The following DNMT1 variants were observed in gnomAD, a reference collection of about 807,000 sequenced individuals.
DNMT1 encodes DNA (cytosine-5)-methyltransferase 1.
Under a neutral mutation model 205.3 loss-of-function variants are expected in DNMT1, and 24 were observed. The observed-to-expected ratio is 0.12, with a 90% CI of 0.08 to 0.16. The LOEUF is 0.16. Among genes scored for constraint, DNMT1 ranks in the 10% least tolerant of loss-of-function variants. The pLI is 1.00. For missense variants in DNMT1, 1,293 were observed against 2,177.7 expected, an observed-to-expected ratio of 0.59 and a Z score of 8.09; for synonymous variants, 817 against 839.8, an observed-to-expected ratio of 0.97 and a Z score of 0.47.
At chr19:10,149,371 C>G in intron 26 of DNMT1, 82 bp downstream of exon 26, 2 of 1,389,880 alleles carry the variant, frequency 1.4e-6, no homozygotes, top group Non-Finnish European at 2.0e-6. Context: ...AAAAAAAATA[C>G]AAATCAAAAC....
Position 10,151,936 on chromosome 19 carries a change from G to T in DNMT1, c.2020-89C>A. 1 of 1,289,892 alleles carries T rather than the reference G, an allele frequency of 7.8e-7. No homozygotes were observed. The highest frequency in any genetic ancestry group is 1.1e-6 in the Non-Finnish European group (1 of 891,388). 79.9% of individuals were successfully genotyped at this position (1,289,892 alleles called of 1,614,324 possible). On this transcript the variant is annotated intron_variant, in intron 22 of 40. Transcript: ENST00000359526. This position sits in a 1 kb window ranked among gnomAD's most constrained non-coding sequence, Gnocchi z 5.0. ...GTATTTCAGAAGGCCGAGGCAGGCA[G>T]ATCACTTAAGGTCAGGAATTGCAGA...
intron 34 of DNMT1, among the ~76,000 whole-genome samples, chr19:10,139,329 C>T (rs2089556043): frequency 6.6e-6 from 1 of 152,220 alleles, no homozygotes. Context: ...ACTTCCCCTC[C>T]CGCTCTGTGC....
chr19:10,164,913 T>TAAAAAAAAAAAAAAAAAAAAAAAAAAA (rs535161745), intron 11 of DNMT1, among the ~76,000 whole-genome samples: 1 of 34,046 alleles, frequency 2.9e-5, no homozygotes, highest in Non-Finnish European at 4.8e-5. Context: ...GAGACTATCT[T>TAAAAAAAAAAAAAAAAAAAAAAAAAAA]AAAAAAAAAA....
intron 8 of DNMT1, 63 bp from the exon 9 acceptor site, chr19:10,173,237 T>A: frequency 6.4e-7 from 1 of 1,552,770 alleles, no homozygotes; most frequent in African/African-American, 1.4e-5. Flanking sequence ...AAGAAGCAGT[T>A]TTCATAAAGC....
rs749258509 is a variant in DNMT1, at chr19:10,148,981, C to T, written c.2623G>A (p.Asp875Asn). The T allele has an allele frequency of 8.1e-6, 13 of 1,614,018 alleles. No individual in the cohort carries two copies. Among genetic ancestry groups the T allele is most frequent in the African/African-American group, 5.3e-5 (4 of 74,920 alleles). ...AGCTGGTAGAAGTAGGTCTTCCCGT[C>T]GTCCCCCTCCAGCAGGGACTCGGGA... is the stretch of plus-strand genomic sequence containing the variant. ...MDPESLLEGD[D>N]GKTYFYQLWY... Residue 875 changes from aspartate to asparagine, a missense_variant, in exon 27 of 41, where the codon GAC becomes AAC. Around this residue, in one of 13 missense-constraint regions of DNMT1, gnomAD observed 112 missense variants for 116.6 expected, o/e 0.96. Coordinates refer to ENST00000359526, the MANE Select transcript of DNMT1 (RefSeq NM_001130823.3).
At chr19:10,157,868 GGGGAGACAT>G (rs2038490137) in intron 17 of DNMT1, among the ~76,000 whole-genome samples, 1 of 152,198 alleles carries the variant, frequency 6.6e-6, no homozygotes, top group Non-Finnish European at 1.5e-5. Flanking sequence ...TCTCTCCATA[GGGGAGACAT>G]GGGAGAGAAG....
chr19:10,140,383 T>C lies in DNMT1; in HGVS notation c.3524-55A>G. On this transcript the variant is annotated intron_variant, in intron 32 of 40. Transcript: ENST00000359526. The surrounding 1 kb of genome is among the most constrained non-coding windows in gnomAD (Gnocchi z 8.4). ...CAACTCTCCAGAAGATTTTTTTTTTTTTTTGAGATGGAGTCTCGCTCTGTC... is the reference window on the plus strand; with the variant it reads ...CAACTCTCCAGAAGATTTTTTTTTTCTTTTGAGATGGAGTCTCGCTCTGTC... 6.3e-7 allele frequency: 1 copy of C among 1,599,606 alleles called. No homozygotes were observed. The highest frequency in any genetic ancestry group is 8.5e-7 in the Non-Finnish European group (1 of 1,176,616).
intron 6 of DNMT1, among the ~76,000 whole-genome samples, chr19:10,176,718 C>T (rs1042719517): frequency 3.3e-5 from 5 of 151,820 alleles, no homozygotes; most frequent in African/African-American, 9.7e-5. Flanking sequence ...ATTAGCCAGG[C>T]GTGGCGGCGC....
Position 10,155,931 on chromosome 19 carries a change from T to C in DNMT1, c.1414A>G (p.Lys472Glu). Residue 472 changes from lysine (K) to glutamate (E), a missense_variant, in exon 19 of 41, where the codon AAA (lysine) becomes GAA (glutamate). Lys to Glu is a moderately conservative substitution (Grantham distance 56). Around this residue, in one of 13 missense-constraint regions of DNMT1, gnomAD observed 120 missense variants for 315.9 expected, o/e 0.38. Transcript: ENST00000359526. ...CATTCATTTATGGGGCCAAGATTTT[T>C]GCCATTAACACCACCTAGAGCAGAA... ...DPSLEGGVNG[K>E]NLGPINEWWI... 1 of 1,613,688 alleles carries C rather than the reference T, an allele frequency of 6.2e-7. No homozygotes were observed. Among genetic ancestry groups the C allele is most frequent in the East Asian group, 2.2e-5 (1 of 44,874 alleles).
intron 7 of DNMT1, among the ~76,000 whole-genome samples, chr19:10,174,864 TG>T (rs1052732593): frequency 3.2e-4 from 48 of 151,830 alleles, no homozygotes; most frequent in African/African-American, 1.1e-3. Context: ...GAGACCAGCC[TG>T]GGCAACATGG....
chr19:10,173,447 C>T (rs1020712871), intron 8 of DNMT1, among the ~76,000 whole-genome samples: 1 of 151,766 alleles, frequency 6.6e-6, no homozygotes, highest in Admixed American at 6.6e-5. Flanking sequence ...TACTTCATAA[C>T]GATATGGTTG....
intron 11 of DNMT1, among the ~76,000 whole-genome samples, chr19:10,165,120 A>C (rs2038661176): frequency 6.6e-6 from 1 of 151,620 alleles, no homozygotes; most frequent in South Asian, 2.1e-4. Flanking sequence ...TAAAAAAAAA[A>C]ATTAGCTGGA....
chr19:10,143,912 C>G lies in DNMT1; in HGVS notation c.2970G>C (p.Arg990=), dbSNP rs768040928. ...VDEDLYPEHY[R]KYSDYIKGSN... ...TGCCTTTGATGTAGTCGGAGTATTTCCGGTAGTGCTCTGGGTACAGGTCCT... is the reference window on the plus strand; with the variant it reads ...TGCCTTTGATGTAGTCGGAGTATTTGCGGTAGTGCTCTGGGTACAGGTCCT... Residue 990 remains arginine, a synonymous_variant, in exon 29 of 41, where the codon CGG becomes CGC. Transcript: ENST00000359526. 6.2e-7 allele frequency: 1 copy of G among 1,614,126 alleles called. No homozygotes were observed. Among genetic ancestry groups the G allele is most frequent in the East Asian group, 2.2e-5 (1 of 44,884 alleles).
Position 10,192,671 on chromosome 19 carries a change from C to T in DNMT1, c.80+2149G>A, listed in dbSNP as rs1361668274. Among the ~76,000 whole-genome samples the T allele has an allele frequency of 2.6e-5, 4 of 152,132 alleles. No homozygotes were observed. The East Asian group carries it at 7.7e-4, about 29-fold the overall frequency. On this transcript the variant is annotated intron_variant, in intron 1 of 40. Coordinates refer to ENST00000359526, the MANE Select transcript of DNMT1 (RefSeq NM_001130823.3). ...TGAATTGGGTGTAACATCATGAAGC[C>T]AGGCACTTTCATAATTTCACTTCCA...
Position 10,137,405 on chromosome 19 carries a change from A to G in DNMT1, c.4294-125T>C. 2 of 1,223,146 alleles carry G rather than the reference A, an allele frequency of 1.6e-6. No individual in the cohort carries two copies. The highest frequency in any genetic ancestry group is 2.3e-6 in the Non-Finnish European group (2 of 877,126). 75.8% of individuals were successfully genotyped at this position (1,223,146 alleles called of 1,614,324 possible). ...CCCTGGGGCTCACGCCCATCGGGAA[A>G]GAGACAGTCAGGGATATCGCACTTG... is the stretch of plus-strand genomic sequence containing the variant. On this transcript the variant is annotated intron_variant, in intron 36 of 40. Transcript: ENST00000359526. The surrounding 1 kb of genome is among the most constrained non-coding windows in gnomAD (Gnocchi z 6.4).
chr19:10,152,160 CAAAAAAAAAAAAAAAAAAAA>C, intron 22 of DNMT1, among the ~76,000 whole-genome samples: 1 of 14,336 alleles, frequency 7.0e-5, no homozygotes, highest in Non-Finnish European at 9.9e-5. Context: ...AACTCCATCT[CAAAAAAAAAAAAAAAAAAAA>C]AAAAAAAAAG....
In DNMT1 at chr19:10,137,078, G is replaced by A. The variant is rs1322540408; in HGVS notation, c.4489+7C>T. On this transcript the variant is annotated splice_region_variant and intron_variant, in intron 37 of 40. Transcript: ENST00000359526. The surrounding 1 kb of genome is among the most constrained non-coding windows in gnomAD (Gnocchi z 6.4). Reference sequence around the variant, plus strand: ...GCCCACCGGGAACCACAACTTACAGGACCCACCTTCCACGCAGGAGCAGAC... The same window carrying A: ...GCCCACCGGGAACCACAACTTACAGAACCCACCTTCCACGCAGGAGCAGAC... The A allele has an allele frequency of 1.2e-6, 2 of 1,611,242 alleles. No homozygotes were observed. The highest frequency in any genetic ancestry group is 8.5e-7 in the Non-Finnish European group (1 of 1,179,314).
Position 10,166,697 on chromosome 19 carries a change from GACA to G in DNMT1, c.804-15_804-13del, listed in dbSNP as rs2038700933. ...TCTGTTTGGGTGTTCTGTCACAGAA[GACA>G]ACACACACACAGGCTGGTCAGCTCG... On this transcript the variant is annotated splice_polypyrimidine_tract_variant and intron_variant, in intron 10 of 40. Coordinates refer to ENST00000359526, the MANE Select transcript of DNMT1 (RefSeq NM_001130823.3). 6.2e-7 allele frequency: 1 copy of G among 1,614,058 alleles called. No individual in the cohort carries two copies. Among genetic ancestry groups the G allele is most frequent in the African/African-American group, 1.3e-5 (1 of 75,046 alleles).
At position 10,156,298 on chromosome 19, in the gene DNMT1, C is replaced by T. The variant is rs546591583; in HGVS notation, c.1399+93G>A. The stretch of plus-strand genomic sequence containing the variant: ...CCGGGCTCAAGTGATCCTCTGGCCT[C>T]AGACCCCCAAAGTGCTAGGATTACA... On this transcript the variant is annotated intron_variant, in intron 18 of 40. Transcript: ENST00000359526. The surrounding 1 kb of genome is among the most constrained non-coding windows in gnomAD (Gnocchi z 4.2). 64 of 1,030,862 alleles carry T rather than the reference C, an allele frequency of 6.2e-5. No individual in the cohort carries two copies. The highest frequency in any genetic ancestry group is 2.1e-4 in the Middle Eastern group (1 of 4,874). 63.9% of individuals were successfully genotyped at this position (1,030,862 alleles called of 1,614,324 possible). A position where few individuals can be genotyped will look rare whatever the true frequency, so the allele number is the denominator to read the frequency against.
Sources: gnomAD v4.1 joint callset for allele counts (sites outside exome capture counted in the v4.1 genomes callset) on GRCh38, gnomAD v4.1.1 for gene constraint, gnomAD v4.1.1 regional missense constraint, Gnocchi (gnomAD v3.1) non-coding constraint, MANE v1.5 for transcripts, NCBI Gene and HGNC (gene_info 2026-07-23, HGNC 2026-07-21) for gene names.